Variants in RAB3C observed in about 807,000 individuals in gnomAD.
RAB3C encodes RAB3C, member RAS oncogene family, also known as ras-related protein Rab-3C.
RAB3C carries 17 observed loss-of-function variants against 26.4 expected under a neutral mutation model. The ratio of observed to expected loss-of-function variants is 0.64; its 90% CI spans 0.44 to 0.97. The LOEUF (loss-of-function observed/expected upper bound fraction) is 0.97, where lower values mean the gene tolerates loss of function less well. Ranked by LOEUF, RAB3C falls within the 50% of genes least tolerant of loss-of-function variation. RAB3C has a pLI of 0.00. For synonymous variants in RAB3C, 91 were observed against 95.9 expected (o/e 0.95, Z 0.30); for missense variants, 242 against 281.9 (o/e 0.86, Z 1.01).
In RAB3C at chr5:58,851,736, G is replaced by C. The variant is rs1744118665; in HGVS notation, c.*385G>C. On this transcript the variant is annotated 3_prime_UTR_variant, in exon 5 of 5. Transcript: ENST00000282878. The stretch of plus-strand genomic sequence containing the variant: ...TTGTAGGAATGATGACCAAGGAATT[G>C]CTTGTGTGTGTGTGTGTGTGTGTGT... The C allele has an allele frequency of 2.9e-5, 2 of 69,382 alleles. No individual in the cohort carries two copies. The highest frequency in any genetic ancestry group is 6.0e-5 in the Non-Finnish European group (2 of 33,228). The allele number at this position is 69,382 out of a possible 1,614,324, so 4.3% of individuals were successfully genotyped here.
upstream of RAB3C, chr5:58,583,004 G>A: frequency 1.5e-6 from 2 of 1,372,460 alleles, no homozygotes; most frequent in South Asian, 1.7e-5. Flanking sequence ...CGGAGGGCGA[G>A]ACTACAGCTC....
intron 2 of RAB3C, among the ~76,000 whole-genome samples, chr5:58,724,169 C>G (rs937938285): frequency 1.3e-5 from 2 of 151,540 alleles, no homozygotes; most frequent in Non-Finnish European, 1.5e-5. Context: ...TGTCCCACAT[C>G]TAAGTAATAA....
At chr5:58,661,890 G>C (rs1421450448) in intron 2 of RAB3C, among the ~76,000 whole-genome samples, 1 of 149,414 alleles carries the variant, frequency 6.7e-6, no homozygotes, top group African/African-American at 2.6e-5. Context: ...AGTTGTAAAA[G>C]CAAAAAGAAA....
intron 2 of RAB3C, among the ~76,000 whole-genome samples, chr5:58,620,136 G>A (rs960976741): frequency 5.3e-5 from 8 of 151,780 alleles, no homozygotes; most frequent in Admixed American, 3.9e-4. Context: ...TCATTCTAGG[G>A]CCTCCATTCT....
chr5:58,600,267 G>T (rs1561262169), intron 1 of RAB3C, among the ~76,000 whole-genome samples: 1 of 152,116 alleles, frequency 6.6e-6, no homozygotes, highest in East Asian at 1.9e-4. Context: ...TTGAAATCAG[G>T]TAGTATGATG....
chr5:58,789,831 G>A (rs939025035), intron 3 of RAB3C, among the ~76,000 whole-genome samples: 2 of 152,158 alleles, frequency 1.3e-5, no homozygotes, highest in African/African-American at 4.8e-5. Flanking sequence ...TGATTTGTTG[G>A]CTGAATTTTC....
chr5:58,585,922 G>A (rs1045081286), intron 1 of RAB3C, among the ~76,000 whole-genome samples: 1 of 151,998 alleles, frequency 6.6e-6, no homozygotes, highest in South Asian at 2.1e-4. Flanking sequence ...TGCAGGAGAT[G>A]GTCATTTGTA....
chr5:58,716,351 A>C (rs557768524), intron 2 of RAB3C, among the ~76,000 whole-genome samples: 2 of 152,158 alleles, frequency 1.3e-5, no homozygotes, highest in Non-Finnish European at 2.9e-5. Context: ...TGATAACATC[A>C]AACAGAAAGC....
At chr5:58,648,246 C>G (rs1171592428) in intron 2 of RAB3C, among the ~76,000 whole-genome samples, 1 of 152,160 alleles carries the variant, frequency 6.6e-6, no homozygotes, top group Non-Finnish European at 1.5e-5. Flanking sequence ...TACTTTTTCT[C>G]AGCACACTGC....
intron 1 of RAB3C, among the ~76,000 whole-genome samples, chr5:58,614,457 G>C (rs1395296504): frequency 6.6e-6 from 1 of 151,136 alleles, no homozygotes; most frequent in Non-Finnish European, 1.5e-5. Context: ...ATCTTATTAG[G>C]TGTGTTAAAT....
intron 3 of RAB3C, among the ~76,000 whole-genome samples, chr5:58,776,660 T>C (rs1040185589): frequency 2.0e-5 from 3 of 152,140 alleles, no homozygotes; most frequent in Non-Finnish European, 4.4e-5. Flanking sequence ...CCCGCGCTGC[T>C]TAAACAGATA....
intron 2 of RAB3C, among the ~76,000 whole-genome samples, chr5:58,715,595 C>T (rs1182207321): frequency 6.6e-6 from 1 of 151,982 alleles, no homozygotes; most frequent in Non-Finnish European, 1.5e-5. Flanking sequence ...GTTTTTTGCA[C>T]AAGTTAAATT....
At chr5:58,726,920 A>G (rs1740902629) in intron 3 of RAB3C, among the ~76,000 whole-genome samples, 1 of 151,972 alleles carries the variant, frequency 6.6e-6, no homozygotes, top group Admixed American at 6.6e-5. Context: ...AGGGCTAAAG[A>G]GGACGGTTTT....
chr5:58,596,323 T>G (rs1746247695), intron 1 of RAB3C, among the ~76,000 whole-genome samples: 2 of 151,640 alleles, frequency 1.3e-5, no homozygotes, highest in Non-Finnish European at 2.9e-5. Flanking sequence ...CTATTCACTT[T>G]CAGATTCCAA....
At chr5:58,705,613 T>A (rs1033255506) in intron 2 of RAB3C, among the ~76,000 whole-genome samples, 1 of 152,144 alleles carries the variant, frequency 6.6e-6, no homozygotes, top group African/African-American at 2.4e-5. Context: ...AGGGAGAATA[T>A]AAGTCTCTTG....
chr5:58,663,506 A>AAAAT (rs1747945272), intron 2 of RAB3C, among the ~76,000 whole-genome samples: 1 of 150,410 alleles, frequency 6.6e-6, no homozygotes, highest in Non-Finnish European at 1.5e-5. Context: ...TTTCAAGTTT[A>AAAAT]AAATATTAAA....
Position 58,851,761 on chromosome 5 carries a change from TGTGTGCACGCATGCCCGCATGC to T in RAB3C, c.*414_*435del, listed in dbSNP as rs1744120351. On this transcript the variant is annotated 3_prime_UTR_variant, in exon 5 of 5. Transcript: ENST00000282878. ...GCTTGTGTGTGTGTGTGTGTGTGTG[TGTGTGCACGCATGCCCGCATGC>T]GTGCAGAGGAAGAAGTCACAAGACT... The T allele has an allele frequency of 7.3e-6, 1 of 136,152 alleles. No homozygotes were observed. Among genetic ancestry groups the T allele is most frequent in the African/African-American group, 2.6e-5 (1 of 37,972 alleles). 8.4% of individuals were successfully genotyped at this position (136,152 alleles called of 1,614,324 possible). A position where few individuals can be genotyped will look rare whatever the true frequency, so the allele number is the denominator to read the frequency against.
intron 3 of RAB3C, among the ~76,000 whole-genome samples, chr5:58,792,469 G>A (rs1451530067): frequency 6.6e-6 from 1 of 152,150 alleles, no homozygotes; most frequent in East Asian, 1.9e-4. Flanking sequence ...ACAAAGGAAA[G>A]GGGAAAGTGG....
chr5:58,754,552 G>A (rs1259345886), intron 3 of RAB3C, among the ~76,000 whole-genome samples: 1 of 152,098 alleles, frequency 6.6e-6, no homozygotes, highest in East Asian at 1.9e-4. Context: ...CCTTTGGGAG[G>A]CAACATCCAC....
Sources: gnomAD v4.1 joint callset for allele counts (sites outside exome capture counted in the v4.1 genomes callset) on GRCh38, gnomAD v4.1.1 for gene constraint, MANE v1.5 for transcripts, NCBI Gene and HGNC (gene_info 2026-07-23, HGNC 2026-07-21) for gene names.